Variants in KATNIP observed in about 807,000 individuals in gnomAD.
The protein encoded by KATNIP is katanin interacting protein.
Under a neutral mutation model 174.0 loss-of-function variants are expected in KATNIP, and 126 were observed. The observed-to-expected ratio is 0.72, with a 90% confidence interval of 0.63 to 0.84. The LOEUF is 0.84. Among genes scored for constraint, KATNIP ranks in the 40% least tolerant of loss-of-function variants. KATNIP has a pLI of 0.00. For synonymous variants in KATNIP, 810 were observed against 835.7 expected (o/e 0.97, Z 0.53); for missense variants, 1,958 against 2,109.7 (o/e 0.93, Z 1.41).
At chr16:27,766,102 T>C (rs1482029686) in intron 19 of KATNIP, among the ~76,000 whole-genome samples, 1 of 151,982 alleles carries the variant, frequency 6.6e-6, no homozygotes, top group African/African-American at 2.4e-5. Context: ...CTTTTTTTTT[T>C]CTTTTAAAAA....
At chr16:27,763,432 T>C (rs1335503049) in intron 19 of KATNIP, among the ~76,000 whole-genome samples, 1 of 137,004 alleles carries the variant, frequency 7.3e-6, no homozygotes, top group African/African-American at 2.8e-5. Flanking sequence ...CATAGTGAGA[T>C]TGTGTCTCTA....
chr16:27,702,788 A>G (rs937754627), intron 11 of KATNIP, among the ~76,000 whole-genome samples: 2 of 152,174 alleles, frequency 1.3e-5, no homozygotes, highest in Admixed American at 1.3e-4. Context: ...AGCGCCATCC[A>G]TTCCTTTAAG....
At chr16:27,767,804 T>C (rs1367887989) in intron 20 of KATNIP, among the ~76,000 whole-genome samples, 6 of 152,228 alleles carry the variant, frequency 3.9e-5, no homozygotes, top group African/African-American at 4.8e-5. Context: ...TTAGCCAGCA[T>C]GCTCCTCTGA....
intron 2 of KATNIP, among the ~76,000 whole-genome samples, chr16:27,584,189 C>G (rs948750982): frequency 7.9e-5 from 12 of 152,040 alleles, no homozygotes; most frequent in Non-Finnish European, 1.6e-4. Flanking sequence ...TCCTCCTTCT[C>G]CCCTTCTCCT....
chr16:27,707,309 G>A (rs1038210200), intron 12 of KATNIP, among the ~76,000 whole-genome samples: 2 of 152,214 alleles, frequency 1.3e-5, no homozygotes, highest in Non-Finnish European at 2.9e-5. Flanking sequence ...GCTGCAATCA[G>A]CCCTGGAGGG....
At chr16:27,566,506 A>T (rs532287166) in intron 1 of KATNIP, among the ~76,000 whole-genome samples, 1 of 151,766 alleles carries the variant, frequency 6.6e-6, no homozygotes, top group South Asian at 2.1e-4. Flanking sequence ...ACTGCACTCC[A>T]GCCCCAGGCG....
intron 13 of KATNIP, among the ~76,000 whole-genome samples, chr16:27,714,790 T>G (rs974047221): frequency 6.6e-6 from 1 of 152,182 alleles, no homozygotes; most frequent in African/African-American, 2.4e-5. Flanking sequence ...AAAACATTGT[T>G]GAAAGAAACC....
intron 5 of KATNIP, among the ~76,000 whole-genome samples, chr16:27,646,035 A>G: frequency 6.6e-6 from 1 of 152,212 alleles, no homozygotes; most frequent in Non-Finnish European, 1.5e-5. Flanking sequence ...AAGATTTGGG[A>G]AAATGGCATT....
chr16:27,649,840 C>CCT (rs1305274919), intron 6 of KATNIP, among the ~76,000 whole-genome samples: 1 of 152,202 alleles, frequency 6.6e-6, no homozygotes, highest in Non-Finnish European at 1.5e-5. Flanking sequence ...AGAAGGAAGG[C>CCT]CTCTTTCCAG....
In KATNIP at chr16:27,701,051, G is replaced by T. The variant is rs2079080990; in HGVS notation, c.1180-538G>T. The stretch of plus-strand genomic sequence containing the variant: ...GAAAAAGAAGGGGAAAAGGCTCAGA[G>T]AATTAAAAATGAAAGGGCCTAATGC... On this transcript the variant is annotated intron_variant, in intron 10 of 27. Transcript: ENST00000261588. Among the ~76,000 whole-genome samples the T allele has an allele frequency of 2.0e-5, 3 of 152,198 alleles. No homozygotes were observed. The South Asian group carries it at 6.2e-4, about 32-fold the overall frequency.
chr16:27,677,681 C>G (rs1251570959), intron 6 of KATNIP, 48 bp from the exon 7 acceptor site: 2 of 1,538,298 alleles, frequency 1.3e-6, no homozygotes, highest in Non-Finnish European at 1.8e-6. Context: ...ATAAGTTTTT[C>G]TCAAGGTACC....
intron 19 of KATNIP, among the ~76,000 whole-genome samples, chr16:27,761,825 G>A (rs1024327285): frequency 6.6e-6 from 1 of 152,200 alleles, no homozygotes; most frequent in African/African-American, 2.4e-5. Context: ...GGGATTTGAA[G>A]GCGGGTTCCC....
intron 5 of KATNIP, among the ~76,000 whole-genome samples, chr16:27,644,006 C>T (rs1465287281): frequency 2.7e-5 from 4 of 146,284 alleles, no homozygotes; most frequent in Non-Finnish European, 6.0e-5. Flanking sequence ...AGTCCATCTT[C>T]CAGAGACATA....
chr16:27,694,482 A>G (rs546768405), intron 8 of KATNIP, among the ~76,000 whole-genome samples: 1 of 152,084 alleles, frequency 6.6e-6, no homozygotes, highest in South Asian at 2.1e-4. Flanking sequence ...AAATGATCCA[A>G]TCCAGTTGCC....
At chr16:27,577,104 C>T (rs537750943) in intron 2 of KATNIP, among the ~76,000 whole-genome samples, 2 of 152,274 alleles carry the variant, frequency 1.3e-5, no homozygotes, top group South Asian at 2.1e-4. Flanking sequence ...GTATCTAGCT[C>T]GTACCCTGTT....
chr16:27,754,229 G>A lies in KATNIP; in HGVS notation c.3609G>A (p.Glu1203=). The A allele has an allele frequency of 1.2e-6, 2 of 1,614,182 alleles. No individual in the cohort carries two copies. The highest frequency in any genetic ancestry group is 2.2e-5 in the South Asian group (2 of 91,080). The part of the protein sequence containing the change: ...SSPVPQVTTP[E]PGIYHGICLQ... Reference sequence around the variant, plus strand: ...CTGTCCCCCAAGTCACCACGCCAGAGCCAGGCATCTACCACGGAATCTGTG... The same window carrying A: ...CTGTCCCCCAAGTCACCACGCCAGAACCAGGCATCTACCACGGAATCTGTG... Residue 1203 remains glutamate, a synonymous_variant, in exon 18 of 28, where the codon GAG becomes GAA. Transcript: ENST00000261588.
At chr16:27,767,059 A>G (rs1022954537) in intron 20 of KATNIP, among the ~76,000 whole-genome samples, 3 of 152,022 alleles carry the variant, frequency 2.0e-5, no homozygotes, top group Non-Finnish European at 4.4e-5. Context: ...TGAAGAAGAG[A>G]GCCTCGGAAG....
At chr16:27,609,292 G>T (rs775179470) in intron 2 of KATNIP, among the ~76,000 whole-genome samples, 2 of 151,752 alleles carry the variant, frequency 1.3e-5, no homozygotes, top group African/African-American at 2.4e-5. Flanking sequence ...ACACAGGAGA[G>T]GGGGCGTGCA....
In KATNIP at chr16:27,553,991, G is replaced by C. The variant is rs1283787749; in HGVS notation, c.7+3814G>C. ...GGGTGGGGTGGGGGGAGAGAGGAGA[G>C]AGAAAGGAAGGAAGGAAAGAAGGGA... On this transcript the variant is annotated intron_variant, in intron 1 of 27. Transcript: ENST00000261588. 4.7e-5 allele frequency among the ~76,000 whole-genome samples: 7 copies of C among 148,390 alleles called. No homozygotes were observed. In the Admixed American group the frequency reaches 4.8e-4, roughly 10 times the overall value.
Sources: gnomAD v4.1 joint callset for allele counts (sites outside exome capture counted in the v4.1 genomes callset) on GRCh38, gnomAD v4.1.1 for gene constraint, MANE v1.5 for transcripts, NCBI Gene and HGNC (gene_info 2026-07-23, HGNC 2026-07-21) for gene names.